TPD52L1: variants seen among roughly 807,000 people sequenced by gnomAD.
TPD52L1 encodes tumor protein D53.
Under a neutral mutation model 28.7 loss-of-function variants are expected in TPD52L1, and 18 were observed. The observed-to-expected ratio is 0.63, with a 90% CI of 0.43 to 0.93. The LOEUF (loss-of-function observed/expected upper bound fraction) is 0.93. Ranked by LOEUF, TPD52L1 falls within the 40% of genes least tolerant of loss-of-function variation. The pLI is 0.00. For synonymous variants in TPD52L1, 75 were observed against 88.8 expected, an observed-to-expected ratio of 0.84 and a Z score of 0.88; for missense variants, 203 against 254.8, an observed-to-expected ratio of 0.80 and a Z score of 1.39.
intron 1 of TPD52L1, among the ~76,000 whole-genome samples, chr6:125,185,819 G>T (rs1273608822): frequency 2.7e-5 from 4 of 150,176 alleles, no homozygotes; most frequent in Non-Finnish European, 5.9e-5. Flanking sequence ...TTAGAAATGA[G>T]AAAACAAACA....
chr6:125,194,004 T>C (rs1448325857), intron 1 of TPD52L1, among the ~76,000 whole-genome samples: 1 of 149,272 alleles, frequency 6.7e-6, no homozygotes, highest in African/African-American at 2.5e-5. Flanking sequence ...GAGAATTTTG[T>C]GGAAAAGTCT....
In TPD52L1 at chr6:125,209,398, C is replaced by T. The variant is rs1415770939; in HGVS notation, c.20-10680C>T. On this transcript the variant is annotated intron_variant, in intron 1 of 6. Transcript: ENST00000534000. ...GACTCCGGGAAACCAGTCCTGTACC[C>T]TCACCTCCAGGAAATTCCTGATTGG... Among the ~76,000 whole-genome samples, 7 of 152,200 alleles carry T rather than the reference C, an allele frequency of 4.6e-5. No individual in the cohort carries two copies. In the South Asian group the frequency reaches 1.5e-3, roughly 32 times the overall value.
At chr6:125,217,250 G>A (rs1236566272) in intron 1 of TPD52L1, among the ~76,000 whole-genome samples, 1 of 152,092 alleles carries the variant, frequency 6.6e-6, no homozygotes, top group Non-Finnish European at 1.5e-5. Context: ...TTTTTGGGAT[G>A]ATTCAAGCAC....
At chr6:125,184,608 T>A (rs1250973364) in intron 1 of TPD52L1, among the ~76,000 whole-genome samples, 1 of 152,244 alleles carries the variant, frequency 6.6e-6, no homozygotes, top group Admixed American at 6.5e-5. Context: ...TGTTTGCATA[T>A]GATAACAAAC....
intron 1 of TPD52L1, among the ~76,000 whole-genome samples, chr6:125,200,872 C>A (rs1045935949): frequency 6.6e-6 from 1 of 152,142 alleles, no homozygotes; most frequent in African/African-American, 2.4e-5. Flanking sequence ...GTGAGGGTGG[C>A]CAACTCAAAC....
intron 3 of TPD52L1, among the ~76,000 whole-genome samples, chr6:125,242,317 T>G (rs1241516560): frequency 6.6e-6 from 1 of 152,060 alleles, no homozygotes; most frequent in Admixed American, 6.6e-5. Flanking sequence ...TTAGTTCTAG[T>G]GTAGAGTTTA....
intron 3 of TPD52L1, among the ~76,000 whole-genome samples, chr6:125,245,905 C>G (rs1269854236): frequency 6.6e-6 from 1 of 152,210 alleles, no homozygotes; most frequent in African/African-American, 2.4e-5. Flanking sequence ...GTGTTGGTAG[C>G]TCCTGCCCTC....
At chr6:125,168,756 T>G (rs1477772742) in intron 1 of TPD52L1, among the ~76,000 whole-genome samples, 1 of 152,120 alleles carries the variant, frequency 6.6e-6, no homozygotes, top group Non-Finnish European at 1.5e-5. Flanking sequence ...GACCTCATGA[T>G]CCGCCCACCT....
chr6:125,156,487 G>C (rs1308935977), intron 1 of TPD52L1, among the ~76,000 whole-genome samples: 1 of 115,742 alleles, frequency 8.6e-6, no homozygotes, highest in Non-Finnish European at 1.8e-5. Flanking sequence ...AAAAGAGAGA[G>C]ATACAAAAAA....
intron 1 of TPD52L1, among the ~76,000 whole-genome samples, chr6:125,158,000 C>T (rs551364975): frequency 1.1e-4 from 16 of 152,190 alleles, no homozygotes; most frequent in Admixed American, 9.8e-4. Context: ...TGCCGACATT[C>T]TTGGGCTGCA....
rs1171967450 is a variant in TPD52L1 at position 125,168,518 on chromosome 6, A to ATT, written c.19+14564_19+14565dup. On this transcript the variant is annotated intron_variant, in intron 1 of 6. Transcript: ENST00000534000. ...TAGAACTTGCTTCTGTCCTTCTCAG[A>ATT]TTTTTTTTTTTTTTTTTGAGACGGA... is the stretch of plus-strand genomic sequence containing the variant. Among the ~76,000 whole-genome samples, 743 of 139,964 alleles carry ATT rather than the reference A, an allele frequency of 5.3e-3. 7 individuals carry two copies. The highest frequency in any genetic ancestry group is 0.018 in the African/African-American group (694 of 38,068). The allele number at this position is 139,964 out of a possible 152,430, so 91.8% of individuals were successfully genotyped here.
chr6:125,229,373 G>GA (rs1037100304), intron 3 of TPD52L1, 107 bp downstream of exon 3: 1,502 of 1,105,938 alleles, frequency 1.4e-3, no homozygotes, highest in Middle Eastern at 1.9e-3. Context: ...ATGAAGCTAG[G>GA]AAAAAAAAAT....
intron 1 of TPD52L1, among the ~76,000 whole-genome samples, chr6:125,216,529 G>GTATATATA (rs56135453): frequency 7.2e-5 from 5 of 69,064 alleles, no homozygotes; most frequent in Non-Finnish European, 9.6e-5. Context: ...GTATGTGTGT[G>GTATATATA]TATATATATA....
chr6:125,249,879 A>G (rs1417447022), intron 4 of TPD52L1, among the ~76,000 whole-genome samples: 1 of 152,102 alleles, frequency 6.6e-6, no homozygotes, highest in African/African-American at 2.4e-5. Flanking sequence ...CATGTGCATG[A>G]ATCTGAGTAC....
At position 125,232,382 on chromosome 6, in the gene TPD52L1, C is replaced by T. The variant is rs534677888; in HGVS notation, c.284+3116C>T. Among the ~76,000 whole-genome samples the T allele has an allele frequency of 7.0e-4, 106 of 152,152 alleles. 1 individual carries two copies. The Middle Eastern group carries it at 0.01, about 15-fold the overall frequency. On this transcript the variant is annotated intron_variant, in intron 3 of 6. Coordinates refer to ENST00000534000, the MANE Select transcript of TPD52L1 (RefSeq NM_003287.4). ...GATCTTAATCATATGTTTGGAGGAGCGATAAAATCTGTATCCCTCTGAATT... is the reference window on the plus strand; with the variant it reads ...GATCTTAATCATATGTTTGGAGGAGTGATAAAATCTGTATCCCTCTGAATT...
At chr6:125,186,172 C>T (rs1792612669) in intron 1 of TPD52L1, among the ~76,000 whole-genome samples, 1 of 152,120 alleles carries the variant, frequency 6.6e-6, no homozygotes, top group Non-Finnish European at 1.5e-5. Context: ...GCATGAGCCA[C>T]CGTGGCTGGC....
intron 1 of TPD52L1, among the ~76,000 whole-genome samples, chr6:125,207,783 T>G (rs568513050): frequency 1.3e-5 from 2 of 152,304 alleles, no homozygotes; most frequent in African/African-American, 2.4e-5. Flanking sequence ...GCCATGAGTC[T>G]CTGATCTAGG....
At position 125,264,215 on chromosome 6, in the gene TPD52L1, G is replaced by T. The variant is rs562579883; in HGVS notation, c.*1253G>T. 2 of 152,188 alleles carry T rather than the reference G, an allele frequency of 1.3e-5. No homozygotes were observed. The highest frequency in any genetic ancestry group is 2.4e-5 in the African/African-American group (1 of 41,492). The allele number at this position is 152,188 out of a possible 1,614,324, so 9.4% of individuals were successfully genotyped here. On this transcript the variant is annotated 3_prime_UTR_variant, in exon 7 of 7. Transcript: ENST00000534000. ...CATATATTTGTTATTAGGTGGCAGA[G>T]ATATAGCCTTAAGATATATTTGTAA...
chr6:125,204,386 C>G (rs1216803620), intron 1 of TPD52L1, among the ~76,000 whole-genome samples: 1 of 152,148 alleles, frequency 6.6e-6, no homozygotes, highest in African/African-American at 2.4e-5. Context: ...ATTTGCTACC[C>G]TTGTTAATGG....
Sources: allele counts gnomAD v4.1 joint callset (sites outside exome capture counted in the v4.1 genomes callset), GRCh38; gene constraint gnomAD v4.1.1; transcripts MANE v1.5; gene names NCBI Gene and HGNC (gene_info 2026-07-23, HGNC 2026-07-21).